The following ZBBX variants were observed in gnomAD, a reference collection of about 807,000 sequenced individuals.
ZBBX encodes zinc finger B-box domain-containing protein 1.
ZBBX carries 101 observed loss-of-function variants against 108.5 expected under a neutral mutation model. The observed-to-expected ratio is 0.93, with a 90% CI of 0.79 to 1.10. ZBBX has a LOEUF of 1.10. ZBBX is among the 50% of genes least tolerant of loss of function. ZBBX has a pLI of 0.00. For missense variants in ZBBX, 1,009 were observed against 941.4 expected (o/e 1.07, Z -0.94); for synonymous variants, 356 against 323.4 (o/e 1.10, Z -1.08).
intron 7 of ZBBX, 127 bp from the exon 8 acceptor site, chr3:167,360,106 C>G (rs1401905727): frequency 3.5e-6 from 1 of 286,714 alleles, no homozygotes; most frequent in East Asian, 6.0e-5. Context: ...AGAACAAATT[C>G]TAAACATTTA....
At chr3:167,403,838 CTT>C (rs1333879437) in intron 1 of ZBBX, among the ~76,000 whole-genome samples, 1 of 151,684 alleles carries the variant, frequency 6.6e-6, no homozygotes, top group Non-Finnish European at 1.5e-5. Flanking sequence ...AGAATGCTAA[CTT>C]AATACTACTT....
chr3:167,244,039 G>C (rs1246350225), intron 20 of ZBBX, among the ~76,000 whole-genome samples: 1 of 151,960 alleles, frequency 6.6e-6, no homozygotes, highest in African/African-American at 2.4e-5. Flanking sequence ...TTTTGAAAAA[G>C]ACAAAAGATT....
At chr3:167,261,580 G>T (rs73879640) in intron 20 of ZBBX, among the ~76,000 whole-genome samples, 2,604 of 151,880 alleles carry the variant, frequency 0.017, 76 homozygotes, top group African/African-American at 0.059. Flanking sequence ...GGCTGCCTCT[G>T]CTGAGTCATG....
chr3:167,320,734 T>A (rs891064899), intron 12 of ZBBX, among the ~76,000 whole-genome samples: 16 of 152,006 alleles, frequency 1.1e-4, no homozygotes, highest in African/African-American at 3.9e-4. Context: ...GACATCACGA[T>A]CCCAGAATGT....
intron 12 of ZBBX, 103 bp from the exon 13 acceptor site, chr3:167,317,700 T>C (rs936218913): frequency 1.3e-5 from 9 of 675,058 alleles, no homozygotes; most frequent in South Asian, 4.4e-5. Flanking sequence ...TATACAAAAT[T>C]AATGATGAAA....
At chr3:167,255,227 C>G (rs757675172) in intron 20 of ZBBX, among the ~76,000 whole-genome samples, 2 of 151,780 alleles carry the variant, frequency 1.3e-5, no homozygotes, top group African/African-American at 4.8e-5. Context: ...CAGGGTCAGA[C>G]GACAACAGGA....
intron 10 of ZBBX, among the ~76,000 whole-genome samples, chr3:167,328,702 G>T (rs181764392): frequency 6.6e-6 from 1 of 152,162 alleles, no homozygotes; most frequent in African/African-American, 2.4e-5. Flanking sequence ...CAAGCACATT[G>T]CCTCTTCAGG....
the ZBBX span, among the ~76,000 whole-genome samples, chr3:167,216,200 G>A: frequency 0.051 from 7,829 of 152,084 alleles, 556 homozygotes; most frequent in African/African-American, 0.16. Context: ...GTTTGCATAT[G>A]ACATGATTCT....
chr3:167,191,934 T>TATATATATATAGAGAGAGAG, the ZBBX span, among the ~76,000 whole-genome samples: 2 of 130,224 alleles, frequency 1.5e-5, no homozygotes, highest in African/African-American at 6.1e-5. Flanking sequence ...TATATATATA[T>TATATATATATAGAGAGAGAG]AGAGCAAGTT....
At chr3:167,404,299 CA>C (rs1410507028) in intron 1 of ZBBX, among the ~76,000 whole-genome samples, 1 of 151,714 alleles carries the variant, frequency 6.6e-6, no homozygotes, top group African/African-American at 2.4e-5. Context: ...TTTACAGAAA[CA>C]AAAAAATAAG....
chr3:167,206,558 A>T, the ZBBX span, among the ~76,000 whole-genome samples: 1 of 152,218 alleles, frequency 6.6e-6, no homozygotes, highest in East Asian at 1.9e-4. Flanking sequence ...TAATACTGTT[A>T]AAATCCCCAC....
chr3:167,244,493 T>C (rs751604924), intron 20 of ZBBX, among the ~76,000 whole-genome samples: 4 of 152,220 alleles, frequency 2.6e-5, no homozygotes, highest in African/African-American at 9.6e-5. Context: ...GTTGTGCAAA[T>C]AGAATGAGTC....
At chr3:167,345,203 G>A (rs183734733) in intron 9 of ZBBX, among the ~76,000 whole-genome samples, 48 of 151,912 alleles carry the variant, frequency 3.2e-4, no homozygotes, top group Admixed American at 5.3e-4. Flanking sequence ...CAGGTACAAT[G>A]TTAAGCACTG....
chr3:167,226,688 G>A, the ZBBX span, among the ~76,000 whole-genome samples: 1 of 151,606 alleles, frequency 6.6e-6, no homozygotes, highest in African/African-American at 2.4e-5. Flanking sequence ...TCTTTTTCAT[G>A]TAGTCTTTTC....
the ZBBX span, among the ~76,000 whole-genome samples, chr3:167,212,260 T>A: frequency 2.4e-4 from 37 of 152,218 alleles, 1 homozygote; most frequent in East Asian, 7.2e-3. Context: ...GTTGCCAGAC[T>A]GTTACCTGAC....
intron 1 of ZBBX, among the ~76,000 whole-genome samples, chr3:167,407,239 A>G (rs1748613386): frequency 6.6e-6 from 1 of 152,240 alleles, no homozygotes; most frequent in Non-Finnish European, 1.5e-5. Context: ...GTGAAAAATT[A>G]AACAGCATAA....
the ZBBX span, among the ~76,000 whole-genome samples, chr3:167,208,751 T>C: frequency 2.0e-5 from 3 of 152,122 alleles, no homozygotes; most frequent in Non-Finnish European, 2.9e-5. Context: ...GTGATAGCTG[T>C]GAAGAGAGTC....
the ZBBX span, among the ~76,000 whole-genome samples, chr3:167,180,197 C>G: frequency 6.6e-6 from 1 of 152,168 alleles, no homozygotes; most frequent in African/African-American, 2.4e-5. Flanking sequence ...GCATTATGCA[C>G]TTGTTTCTCA....
At chr3:167,198,306 A>T in the ZBBX span, among the ~76,000 whole-genome samples, 4 of 152,226 alleles carry the variant, frequency 2.6e-5, no homozygotes, top group East Asian at 7.7e-4. Context: ...TAGAGTTGTT[A>T]TAAGGGCTTT....
Sources: allele counts gnomAD v4.1 joint callset (sites outside exome capture counted in the v4.1 genomes callset), GRCh38; gene constraint gnomAD v4.1.1; transcripts MANE v1.5; gene names NCBI Gene and HGNC (gene_info 2026-07-23, HGNC 2026-07-21).